The following TYMS variants were observed in gnomAD, a reference collection of about 807,000 sequenced individuals.
TYMS encodes the protein thymidylate synthase.
TYMS carries 21 observed loss-of-function variants against 39.3 expected under a neutral mutation model. The ratio of observed to expected loss-of-function variants is 0.54; its 90% CI spans 0.38 to 0.77. The LOEUF (loss-of-function observed/expected upper bound fraction) is 0.77, where lower values mean the gene tolerates loss of function less well. TYMS is among the 30% of genes least tolerant of loss of function. The probability of loss-of-function intolerance (pLI) is 0.00; values close to 1 mark genes in which losing one functional copy is unlikely to be tolerated. For synonymous variants in TYMS, 171 were observed against 162.2 expected, an observed-to-expected ratio of 1.05 and a Z score of -0.41; for missense variants, 273 against 406.7, an observed-to-expected ratio of 0.67 and a Z score of 2.83.
intron 3 of TYMS, among the ~76,000 whole-genome samples, chr18:664,060 A>G (rs1354439150): frequency 7.2e-6 from 1 of 139,242 alleles, no homozygotes; most frequent in South Asian, 2.4e-4. Flanking sequence ...GAAGAAAGTC[A>G]TTGGTAGCTT....
Position 670,747 on chromosome 18 carries a change from G to C in TYMS, c.612G>C (p.Val204=), listed in dbSNP as rs765176513. The change falls in exon 5 of 7, where the codon GTG becomes GTC. Residue 204 remains valine, a synonymous_variant. Coordinates refer to ENST00000323274, the MANE Select transcript of TYMS (RefSeq NM_001071.4). The stretch of plus-strand genomic sequence containing the variant: ...ATGCCCTCTGCCAGTTCTATGTGGT[G>C]AACAGTGAGCTGTCCTGCCAGCTGT... ...PCHALCQFYV[V]NSELSCQLYQ... The C allele has an allele frequency of 1.9e-6, 3 of 1,614,180 alleles. No homozygotes were observed. The highest frequency in any genetic ancestry group is 2.5e-6 in the Non-Finnish European group (3 of 1,180,030).
At chr18:666,807 C>T (rs1198101351) in intron 3 of TYMS, among the ~76,000 whole-genome samples, 1 of 152,214 alleles carries the variant, frequency 6.6e-6, no homozygotes, top group Admixed American at 6.5e-5. Flanking sequence ...ATGCTAGTTT[C>T]CAGGGACTGG....
rs1206870099 is a variant in TYMS, at chr18:673,055, C to G, written c.*58C>G. ...AGTCTTTAGGGGTTGGGCTGGATGC[C>G]GAGGTAAAAGTTCTTTTTGCTCTAA... On this transcript the variant is annotated 3_prime_UTR_variant, in exon 7 of 7. Transcript: ENST00000323274. 4.2e-6 allele frequency: 6 copies of G among 1,435,802 alleles called. No individual in the cohort carries two copies. The East Asian group carries it at 1.4e-4, about 33-fold the overall frequency. 88.9% of individuals were successfully genotyped at this position (1,435,802 alleles called of 1,614,324 possible). A position where few individuals can be genotyped will look rare whatever the true frequency, so the allele number is the denominator to read the frequency against.
At chr18:671,252 T>C (rs2075034558) in intron 5 of TYMS, 128 bp from the exon 6 acceptor site, 1 of 724,960 alleles carries the variant, frequency 1.4e-6, no homozygotes. Context: ...TACAAAAAAA[T>C]GGAAAAGCTA....
chr18:660,565 T>C lies in TYMS; in HGVS notation c.279+851T>C, dbSNP rs1178440588. ...CTGCCACATAGTAGGAGTCAACATA[T>C]ATTGATCACTAAATGTAGATACCAC... On this transcript the variant is annotated intron_variant, in intron 2 of 6. Coordinates refer to ENST00000323274, the MANE Select transcript of TYMS (RefSeq NM_001071.4). This position sits in a 1 kb window ranked among gnomAD's most constrained non-coding sequence, Gnocchi z 4.6. Among the ~76,000 whole-genome samples, 1 of 152,206 alleles carries C rather than the reference T, an allele frequency of 6.6e-6. No homozygotes were observed. Among genetic ancestry groups the C allele is most frequent in the Non-Finnish European group, 1.5e-5 (1 of 68,054 alleles).
At position 658,447 on chromosome 18, in the gene TYMS, C is replaced by G. The variant is rs369135185; in HGVS notation, c.205+500C>G. The G allele has an allele frequency of 3.6e-5, 30 of 833,694 alleles. No individual in the cohort carries two copies. Among genetic ancestry groups the G allele is most frequent in the Non-Finnish European group, 4.5e-5 (28 of 616,230 alleles). The allele number at this position is 833,694 out of a possible 1,614,324, so 51.6% of individuals were successfully genotyped here. A position where few individuals can be genotyped will look rare whatever the true frequency, so the allele number is the denominator to read the frequency against. On this transcript the variant is annotated intron_variant, in intron 1 of 6. Coordinates refer to ENST00000323274, the MANE Select transcript of TYMS (RefSeq NM_001071.4). The surrounding 1 kb of genome is among the most constrained non-coding windows in gnomAD (Gnocchi z 4.5). ...GAAGAGGAGAGCACTGAAGCTGGCG[C>G]GGGAACTTGGTTTCCTGGTGGCCTC...
intron 3 of TYMS, 81 bp from the exon 4 acceptor site, chr18:668,991 G>GTCT: frequency 5.9e-6 from 7 of 1,190,340 alleles, no homozygotes; most frequent in Non-Finnish European, 8.6e-6. Flanking sequence ...GTAAGAGACT[G>GTCT]TAATAGATGA....
At chr18:659,774 A>G in intron 2 of TYMS, 60 bp downstream of exon 2, 1 of 1,456,542 alleles carries the variant, frequency 6.9e-7, no homozygotes, top group Non-Finnish European at 9.6e-7. Flanking sequence ...AGCCAGTGAG[A>G]TCCTTTCAAA....
At position 660,900 on chromosome 18, in the gene TYMS, T is replaced by C. The variant is rs1243805341; in HGVS notation, c.279+1186T>C. Among the ~76,000 whole-genome samples, 2 of 152,190 alleles carry C rather than the reference T, an allele frequency of 1.3e-5. No homozygotes were observed. On this transcript the variant is annotated intron_variant, in intron 2 of 6. Transcript: ENST00000323274. The surrounding 1 kb of genome is among the most constrained non-coding windows in gnomAD (Gnocchi z 4.6). ...GGCAAGCCAGACCCAAGCCCTCTTA[T>C]CCCATTTTAGAAAGGGCTTCAATTT... is the stretch of plus-strand genomic sequence containing the variant.
intron 6 of TYMS, 96 bp downstream of exon 6, chr18:671,547 A>T: frequency 1.2e-6 from 1 of 836,872 alleles, no homozygotes; most frequent in Non-Finnish European, 2.0e-6. Context: ...GTCCAAGATA[A>T]AGATGACTGC....
chr18:659,236 C>T (rs502396), intron 1 of TYMS, among the ~76,000 whole-genome samples: 70,284 of 152,050 alleles, frequency 0.46, 17,134 homozygotes, highest in Admixed American at 0.57. Flanking sequence ...TTTACACTTT[C>T]ATTTCTCTGT....
intron 2 of TYMS, among the ~76,000 whole-genome samples, chr18:661,180 C>A (rs2074752449): frequency 4.6e-5 from 7 of 152,126 alleles, no homozygotes. Context: ...TTGGAAATTT[C>A]TTTGATTCTT....
chr18:662,006 C>T (rs2074760991), intron 2 of TYMS, 140 bp from the exon 3 acceptor site: 1 of 819,802 alleles, frequency 1.2e-6, no homozygotes. Context: ...AGGATGGGTT[C>T]CATATGGGTG....
At chr18:672,587 C>G in intron 6 of TYMS, 1 of 269,160 alleles carries the variant, frequency 3.7e-6, no homozygotes, top group Non-Finnish European at 7.1e-6. Context: ...ATAAATTTGC[C>G]AAGAGTGGTT....
Position 658,129 on chromosome 18 carries a change from T to G in TYMS, c.205+182T>G. ...GAAACGGAGGGTCCCATTAGGGACG[T>G]GACTGGCGCGGGCAACACACACAGC... On this transcript the variant is annotated intron_variant, in intron 1 of 6. Coordinates refer to ENST00000323274, the MANE Select transcript of TYMS (RefSeq NM_001071.4). The surrounding 1 kb of genome is among the most constrained non-coding windows in gnomAD (Gnocchi z 4.5). 1.3e-6 allele frequency: 2 copies of G among 1,587,746 alleles called. No individual in the cohort carries two copies. The highest frequency in any genetic ancestry group is 1.7e-6 in the Non-Finnish European group (2 of 1,170,426).
At chr18:666,334 A>C (rs1428955848) in intron 3 of TYMS, among the ~76,000 whole-genome samples, 1 of 152,020 alleles carries the variant, frequency 6.6e-6, no homozygotes, top group Non-Finnish European at 1.5e-5. Flanking sequence ...AGGCTGAGCC[A>C]CAGCGTGCTG....
intron 2 of TYMS, among the ~76,000 whole-genome samples, chr18:659,938 C>T (rs1392589530): frequency 2.6e-5 from 4 of 152,114 alleles, no homozygotes; most frequent in Non-Finnish European, 5.9e-5. Flanking sequence ...GCCAGGTGTG[C>T]TGGTGCATGT....
At position 657,826 on chromosome 18, in the gene TYMS, C is replaced by A; in HGVS notation, c.84C>A (p.His28Gln). ...QERDAEPRPP[H>Q]GELQYLGQIQ... Reference sequence around the variant, plus strand: ...GGGACGCCGAGCCGCGTCCGCCGCACGGGGAGCTGCAGTACCTGGGGCAGA... The same window carrying A: ...GGGACGCCGAGCCGCGTCCGCCGCAAGGGGAGCTGCAGTACCTGGGGCAGA... Residue 28 changes from histidine to glutamine, a missense_variant, in exon 1 of 7, where the codon CAC (histidine) becomes CAA (glutamine). Coordinates refer to ENST00000323274, the MANE Select transcript of TYMS (RefSeq NM_001071.4). The A allele has an allele frequency of 6.8e-7, 1 of 1,470,922 alleles. No homozygotes were observed. Among genetic ancestry groups the A allele is most frequent in the South Asian group, 1.4e-5 (1 of 70,408 alleles). The allele number at this position is 1,470,922 out of a possible 1,614,324, so 91.1% of individuals were successfully genotyped here. A position where few individuals can be genotyped will look rare whatever the true frequency, so the allele number is the denominator to read the frequency against.
chr18:670,557 C>G (rs2074994811), intron 4 of TYMS, 135 bp from the exon 5 acceptor site: 3 of 883,410 alleles, frequency 3.4e-6, no homozygotes, highest in Non-Finnish European at 5.2e-6. Flanking sequence ...TTATGGACAT[C>G]ACTGCAGCCC....
Sources: gnomAD v4.1 joint callset for allele counts (sites outside exome capture counted in the v4.1 genomes callset) on GRCh38, gnomAD v4.1.1 for gene constraint, Gnocchi (gnomAD v3.1) non-coding constraint, MANE v1.5 for transcripts, NCBI Gene and HGNC (gene_info 2026-07-23, HGNC 2026-07-21) for gene names.